The following CPNE4 variants were observed in gnomAD, a reference collection of about 807,000 sequenced individuals.
The protein encoded by CPNE4 is copine 4, also known as copine-4.
In CPNE4, 25 loss-of-function variants were observed where a neutral mutation model predicts 67.9. The ratio of observed to expected loss-of-function variants is 0.37; its 90% CI spans 0.27 to 0.51. CPNE4 has a LOEUF of 0.51. Among genes scored for constraint, CPNE4 ranks in the 20% least tolerant of loss-of-function variants. The pLI, the probability that CPNE4 is intolerant of heterozygous loss-of-function variation, is 0.93. For missense variants in CPNE4, 464 were observed against 690.8 expected, an observed-to-expected ratio of 0.67 and a Z score of 3.68; for synonymous variants, 242 against 244.9, an observed-to-expected ratio of 0.99 and a Z score of 0.11.
intron 15 of CPNE4, among the ~76,000 whole-genome samples, chr3:131,535,958 TTG>T (rs1935121046): frequency 6.6e-6 from 1 of 152,194 alleles, no homozygotes; most frequent in Non-Finnish European, 1.5e-5. Context: ...CTAACTTATC[TTG>T]GAGGCTTCTA....
At chr3:131,708,995 T>TATATATACAC (rs1366246304) in intron 3 of CPNE4, among the ~76,000 whole-genome samples, 1 of 109,116 alleles carries the variant, frequency 9.2e-6, no homozygotes, top group Non-Finnish European at 1.8e-5. Flanking sequence ...TATATATATA[T>TATATATACAC]ACATACACAC....
At chr3:131,735,108 G>A (rs1270533773) in intron 2 of CPNE4, among the ~76,000 whole-genome samples, 2 of 152,096 alleles carry the variant, frequency 1.3e-5, no homozygotes, top group African/African-American at 4.8e-5. Flanking sequence ...CATACATTCA[G>A]GCTTTCATTG....
rs574282397 is a variant in CPNE4 at position 131,720,527 on chromosome 3, G to A, written c.360+2919C>T. ...TCTCGATCTCCTGACCTTGTGATCC[G>A]CCTGCCTCGGCTTCCCAAAGTGCTG... On this transcript the variant is annotated intron_variant, in intron 3 of 15. Coordinates refer to ENST00000429747, the MANE Select transcript of CPNE4 (RefSeq NM_130808.3). Among the ~76,000 whole-genome samples the A allele has an allele frequency of 1.1e-4, 17 of 152,142 alleles. 1 individual carries two copies. The highest frequency in any genetic ancestry group is 4.1e-4 in the South Asian group (2 of 4,822).
At chr3:131,708,993 T>TAC (rs1553757071) in intron 3 of CPNE4, among the ~76,000 whole-genome samples, 2 of 104,964 alleles carry the variant, frequency 1.9e-5, no homozygotes, top group Admixed American at 9.1e-5. Context: ...TATATATATA[T>TAC]ATACATACAC....
At chr3:131,622,225 A>G (rs1241271757) in intron 7 of CPNE4, among the ~76,000 whole-genome samples, 1 of 151,984 alleles carries the variant, frequency 6.6e-6, no homozygotes, top group Non-Finnish European at 1.5e-5. Context: ...GTCTGGTTTC[A>G]TCACTCTTGG....
At chr3:131,556,177 C>T (rs1936447435) in intron 11 of CPNE4, among the ~76,000 whole-genome samples, 1 of 152,014 alleles carries the variant, frequency 6.6e-6, no homozygotes, top group African/African-American at 2.4e-5. Context: ...AGTTCAAGAC[C>T]AGTCTGGCCA....
At chr3:131,670,583 T>C (rs1378955122) in intron 6 of CPNE4, among the ~76,000 whole-genome samples, 1 of 152,104 alleles carries the variant, frequency 6.6e-6, no homozygotes, top group Non-Finnish European at 1.5e-5. Context: ...CAAAGTGTGG[T>C]TCCTGGACCA....
intron 1 of CPNE4, among the ~76,000 whole-genome samples, chr3:131,955,419 T>G (rs1402703147): frequency 7.9e-6 from 1 of 127,304 alleles, no homozygotes; most frequent in African/African-American, 3.2e-5. Context: ...GGTTTTTTTT[T>G]TTTTTTTTTT....
At chr3:131,562,303 T>C (rs1936814986) in intron 11 of CPNE4, among the ~76,000 whole-genome samples, 1 of 152,032 alleles carries the variant, frequency 6.6e-6, no homozygotes, top group East Asian at 1.9e-4. Flanking sequence ...CAGCAGCTTC[T>C]TCCAGATCAT....
intron 2 of CPNE4, among the ~76,000 whole-genome samples, chr3:131,858,134 G>C (rs1378691721): frequency 6.6e-6 from 1 of 151,966 alleles, no homozygotes; most frequent in Non-Finnish European, 1.5e-5. Flanking sequence ...AAGTCTTAAA[G>C]CCAAGAGAAT....
At position 131,905,298 on chromosome 3, in the gene CPNE4, A is replaced by T. The variant is rs1309446296; in HGVS notation, c.146T>A (p.Ile49Asn). 1.2e-6 allele frequency: 2 copies of T among 1,613,440 alleles called. No homozygotes were observed. Among genetic ancestry groups the T allele is most frequent in the Non-Finnish European group, 1.7e-6 (2 of 1,179,608 alleles). ...DALSKPDPCV[I>N]LKMQSHGQWF... The stretch of plus-strand genomic sequence containing the variant: ...CTGCCCATGAGACTGCATCTTGAGG[A>T]TGACACAGGGGTCTGGTTTGGAAAG... The change falls in exon 2 of 16, where the codon ATC (isoleucine) becomes AAC (asparagine). Residue 49 changes from isoleucine to asparagine, a missense_variant. Physicochemically the swap from Ile to Asn is moderately radical, Grantham distance 149. This residue lies in a region of CPNE4 where 170 missense variants were observed against 203.3 expected (regional missense o/e 0.84). Coordinates refer to ENST00000429747, the MANE Select transcript of CPNE4 (RefSeq NM_130808.3).
chr3:131,678,875 T>C (rs2080655790), intron 6 of CPNE4, among the ~76,000 whole-genome samples: 2 of 152,218 alleles, frequency 1.3e-5, no homozygotes, highest in African/African-American at 2.4e-5. Flanking sequence ...ATCAAGGATA[T>C]TACGCTGAAG....
chr3:131,689,186 C>G (rs1330240340), intron 5 of CPNE4, among the ~76,000 whole-genome samples: 1 of 152,126 alleles, frequency 6.6e-6, no homozygotes, highest in African/African-American at 2.4e-5. Flanking sequence ...TTAATTTCTC[C>G]AAGGCTTAGT....
At chr3:131,786,050 G>A (rs1055373099) in intron 2 of CPNE4, among the ~76,000 whole-genome samples, 1 of 152,036 alleles carries the variant, frequency 6.6e-6, no homozygotes, top group African/African-American at 2.4e-5. Flanking sequence ...AAGGCCCAAA[G>A]CCTCTTCTCT....
chr3:131,663,333 G>A (rs538032767), intron 7 of CPNE4, among the ~76,000 whole-genome samples: 3 of 152,088 alleles, frequency 2.0e-5, no homozygotes, highest in South Asian at 2.1e-4. Context: ...CAAGGGGAGG[G>A]AGAGCATCAG....
intron 6 of CPNE4, among the ~76,000 whole-genome samples, chr3:131,673,494 T>C (rs2080478972): frequency 6.6e-6 from 1 of 152,092 alleles, no homozygotes; most frequent in African/African-American, 2.4e-5. Flanking sequence ...TTGTATTGTG[T>C]CCTCTTCAGT....
intron 2 of CPNE4, among the ~76,000 whole-genome samples, chr3:131,745,050 G>A (rs1317092205): frequency 1.3e-5 from 2 of 152,116 alleles, no homozygotes. Context: ...ATTCCCATTA[G>A]CAAAGCATGA....
At chr3:131,954,008 T>C (rs1299711771) in intron 1 of CPNE4, among the ~76,000 whole-genome samples, 1 of 152,100 alleles carries the variant, frequency 6.6e-6, no homozygotes, top group Non-Finnish European at 1.5e-5. Flanking sequence ...ATACACCCCA[T>C]AAATATGTAC....
At chr3:131,661,004 G>A (rs2080110743) in intron 7 of CPNE4, among the ~76,000 whole-genome samples, 1 of 152,206 alleles carries the variant, frequency 6.6e-6, no homozygotes. Flanking sequence ...CCACAAGATA[G>A]AAGCAACCTG....
Sources: gnomAD v4.1 joint callset for allele counts (sites outside exome capture counted in the v4.1 genomes callset) on GRCh38, gnomAD v4.1.1 for gene constraint, gnomAD v4.1.1 regional missense constraint, MANE v1.5 for transcripts, NCBI Gene and HGNC (gene_info 2026-07-23, HGNC 2026-07-21) for gene names.